The following ANO6 variants were observed in gnomAD, a reference collection of about 807,000 sequenced individuals.
The protein encoded by ANO6 is anoctamin 6.
A neutral mutation model predicts 117.5 loss-of-function variants in ANO6; 106 were observed. That is an observed-to-expected ratio of 0.90 (90% CI 0.77 to 1.06). ANO6 has a LOEUF of 1.06. ANO6 is among the 50% of genes least tolerant of loss of function. ANO6 has a pLI of 0.00. For missense variants in ANO6, 955 were observed against 1,121.1 expected (o/e 0.85, Z 2.12); for synonymous variants, 367 against 385.1 (o/e 0.95, Z 0.55).
At chr12:45,394,781 G>A (rs1942561841) in intron 12 of ANO6, among the ~76,000 whole-genome samples, 2 of 152,190 alleles carry the variant, frequency 1.3e-5, no homozygotes, top group South Asian at 2.1e-4. Context: ...AAATAAAGAT[G>A]TTCTTTGAAA....
chr12:45,302,505 C>T (rs1336768522), intron 2 of ANO6, among the ~76,000 whole-genome samples: 1 of 152,178 alleles, frequency 6.6e-6, no homozygotes, highest in Non-Finnish European at 1.5e-5. Context: ...CTTTCCCTTT[C>T]ATCCTGGAGC....
chr12:45,409,194 T>C (rs575805364), intron 15 of ANO6, among the ~76,000 whole-genome samples, 163 bp from the exon 16 acceptor site: 2 of 152,314 alleles, frequency 1.3e-5, no homozygotes, highest in South Asian at 2.1e-4. Flanking sequence ...TTTTTCAAAA[T>C]ATTTTGGAAT....
intron 2 of ANO6, among the ~76,000 whole-genome samples, chr12:45,311,740 A>G (rs1939857151): frequency 1.3e-5 from 2 of 152,102 alleles, no homozygotes; most frequent in African/African-American, 4.8e-5. Flanking sequence ...ATGGATAACA[A>G]TCTAGCATGG....
chr12:45,251,666 A>G (rs991626327), intron 1 of ANO6, among the ~76,000 whole-genome samples: 3 of 152,126 alleles, frequency 2.0e-5, no homozygotes, highest in Non-Finnish European at 2.9e-5. Context: ...CTTTCTCATC[A>G]TGCACCCTTG....
At chr12:45,253,573 C>A (rs894006871) in intron 1 of ANO6, among the ~76,000 whole-genome samples, 13 of 152,140 alleles carry the variant, frequency 8.5e-5, no homozygotes, top group Non-Finnish European at 1.6e-4. Context: ...CAACCTCTTA[C>A]AACAAGGATT....
chr12:45,418,789 A>C (rs1267132477), intron 17 of ANO6, among the ~76,000 whole-genome samples: 1 of 152,210 alleles, frequency 6.6e-6, no homozygotes, highest in African/African-American at 2.4e-5. Flanking sequence ...GTTCTTATCC[A>C]ATAATGGCTT....
chr12:45,333,033 T>G (rs1030761871), intron 3 of ANO6, among the ~76,000 whole-genome samples: 2 of 152,012 alleles, frequency 1.3e-5, no homozygotes, highest in African/African-American at 4.8e-5. Context: ...ATAATTTCAT[T>G]GTTGAATTTT....
At chr12:45,428,581 A>G (rs1025603663) in intron 19 of ANO6, among the ~76,000 whole-genome samples, 1 of 152,242 alleles carries the variant, frequency 6.6e-6, no homozygotes, top group African/African-American at 2.4e-5. Flanking sequence ...AACCTGATCC[A>G]AAAGAAAGAC....
chr12:45,429,810 G>A lies in ANO6; in HGVS notation c.*499G>A. The A allele has an allele frequency of 1.0e-6, 1 of 993,422 alleles. No individual in the cohort carries two copies. Among genetic ancestry groups the A allele is most frequent in the Non-Finnish European group, 1.2e-6 (1 of 834,502 alleles). The allele number at this position is 993,422 out of a possible 1,614,324, so 61.5% of individuals were successfully genotyped here. A position where few individuals can be genotyped will look rare whatever the true frequency, so the allele number is the denominator to read the frequency against. On this transcript the variant is annotated 3_prime_UTR_variant, in exon 20 of 20. Transcript: ENST00000320560. ...TTAAAAATAGCTAACTAGACTCAAG[G>A]ATTCACAATATTTAGGTGTATTTTC...
intron 2 of ANO6, among the ~76,000 whole-genome samples, chr12:45,330,421 CAT>C (rs1940625044): frequency 6.6e-6 from 1 of 152,102 alleles, no homozygotes; most frequent in African/African-American, 2.4e-5. Flanking sequence ...TTTAATGAAT[CAT>C]AGAAAACTTT....
intron 2 of ANO6, among the ~76,000 whole-genome samples, chr12:45,329,404 G>C (rs1019937474): frequency 6.6e-6 from 1 of 152,050 alleles, no homozygotes; most frequent in African/African-American, 2.4e-5. Context: ...ATTACACACA[G>C]GCAAATGTTG....
At chr12:45,279,721 A>G (rs1177777123) in intron 1 of ANO6, among the ~76,000 whole-genome samples, 1 of 152,240 alleles carries the variant, frequency 6.6e-6, no homozygotes, top group Admixed American at 6.5e-5. Context: ...TTTCTGTTCC[A>G]TAAGACTAAG....
In ANO6 at chr12:45,437,704, G is replaced by T. The variant is rs564827073; in HGVS notation, c.2527-1971G>T. Among the ~76,000 whole-genome samples the T allele has an allele frequency of 4.6e-5, 7 of 151,946 alleles. No individual in the cohort carries two copies. The South Asian group carries it at 8.4e-4, about 18-fold the overall frequency. The stretch of plus-strand genomic sequence containing the variant: ...CCTGCCTCAGCCTCCCTAGTAGCTG[G>T]GATTACAGGTGCACATGCCACGCCC... On this transcript the variant is annotated intron_variant, in intron 19 of 19. Coordinates refer to the ANO6 transcript ENST00000425752.
chr12:45,297,385 A>G (rs548590310), intron 1 of ANO6, among the ~76,000 whole-genome samples: 5 of 152,312 alleles, frequency 3.3e-5, no homozygotes, highest in Non-Finnish European at 7.4e-5. Flanking sequence ...GTGTTTTCTC[A>G]TAGATAATAG....
chr12:45,416,010 C>G (rs988811272), intron 16 of ANO6, among the ~76,000 whole-genome samples: 14 of 152,156 alleles, frequency 9.2e-5, no homozygotes, highest in African/African-American at 3.4e-4. Context: ...GTGTCAATTA[C>G]AAACAAGGAG....
chr12:45,233,381 A>G (rs1161285919), intron 1 of ANO6, among the ~76,000 whole-genome samples: 1 of 152,214 alleles, frequency 6.6e-6, no homozygotes, highest in Non-Finnish European at 1.5e-5. Context: ...AAGGGTTGCA[A>G]ATTCTGTTAT....
chr12:45,361,181 T>TATCC (rs61223898), intron 8 of ANO6, among the ~76,000 whole-genome samples: 4,719 of 152,208 alleles, frequency 0.031, 99 homozygotes, highest in African/African-American at 0.058. Context: ...GAACACAGGA[T>TATCC]GTCTTTTCAT....
At chr12:45,417,780 C>G (rs1405645498) in intron 17 of ANO6, among the ~76,000 whole-genome samples, 1 of 152,164 alleles carries the variant, frequency 6.6e-6, no homozygotes. Flanking sequence ...TAAGCCACAT[C>G]TTCCCTGAGT....
chr12:45,352,298 T>A (rs1941298935), intron 7 of ANO6, among the ~76,000 whole-genome samples: 1 of 152,134 alleles, frequency 6.6e-6, no homozygotes, highest in Admixed American at 6.6e-5. Flanking sequence ...TAGCTAATCT[T>A]GTTTCACTTT....
Sources: allele counts gnomAD v4.1 joint callset (sites outside exome capture counted in the v4.1 genomes callset), GRCh38; gene constraint gnomAD v4.1.1; transcripts MANE v1.5; gene names NCBI Gene and HGNC (gene_info 2026-07-23, HGNC 2026-07-21).